GRIN2B: variants seen among roughly 807,000 people sequenced by gnomAD.
GRIN2B encodes glutamate ionotropic receptor NMDA type subunit 2B.
Under a neutral mutation model 114.5 loss-of-function variants are expected in GRIN2B, and 5 were observed. That is an observed-to-expected ratio of 0.04 (90% CI 0.02 to 0.09). The LOEUF (loss-of-function observed/expected upper bound fraction) is 0.09, where lower values mean the gene tolerates loss of function less well. GRIN2B is among the 10% of genes least tolerant of loss of function. The probability of loss-of-function intolerance (pLI) is 1.00; values close to 1 mark genes in which losing one functional copy is unlikely to be tolerated. For synonymous variants in GRIN2B, 787 were observed against 745.1 expected (o/e 1.06, Z -0.92); for missense variants, 1,108 against 1,943.5 (o/e 0.57, Z 8.08).
At position 13,538,905 on chromosome 12, in the gene GRIN2B, T is replaced by C. The variant is rs2136375553; in HGVS notation, c.*23878A>G. 1.3e-5 allele frequency: 2 copies of C among 152,140 alleles called. No individual in the cohort carries two copies. The highest frequency in any genetic ancestry group is 4.1e-4 in the South Asian group (2 of 4,826). The allele number at this position is 152,140 out of a possible 1,614,324, so 9.4% of individuals were successfully genotyped here. The stretch of plus-strand genomic sequence containing the variant: ...TTCAAGTCTTGTCTTCCCCCTTTTT[T>C]TTTTAAACAAATCTCAGATTTTCAA... On this transcript the variant is annotated 3_prime_UTR_variant, in exon 14 of 14. Coordinates refer to ENST00000609686, the MANE Select transcript of GRIN2B (RefSeq NM_000834.5).
At chr12:13,719,686 G>C (rs916703095) in intron 4 of GRIN2B, among the ~76,000 whole-genome samples, 1 of 152,014 alleles carries the variant, frequency 6.6e-6, no homozygotes, top group Admixed American at 6.6e-5. Flanking sequence ...GCTACTTTTT[G>C]CATCTTTACA....
intron 2 of GRIN2B, among the ~76,000 whole-genome samples, chr12:13,932,854 T>C (rs989463122): frequency 1.3e-5 from 2 of 152,182 alleles, no homozygotes; most frequent in African/African-American, 4.8e-5. Context: ...TCTTCCCAGA[T>C]AAGGTAAGTA....
chr12:13,770,549 T>C (rs898439124), intron 3 of GRIN2B, among the ~76,000 whole-genome samples: 2 of 152,200 alleles, frequency 1.3e-5, no homozygotes, highest in Non-Finnish European at 2.9e-5. Flanking sequence ...CAGAGTTACT[T>C]GTTAGCACAG....
intron 5 of GRIN2B, among the ~76,000 whole-genome samples, chr12:13,651,859 A>G (rs1459821810): frequency 1.3e-5 from 2 of 152,106 alleles, no homozygotes; most frequent in Admixed American, 1.3e-4. Flanking sequence ...TAACCTCTCC[A>G]GATCTTGGTT....
chr12:13,816,645 A>G (rs1864828261), intron 3 of GRIN2B, among the ~76,000 whole-genome samples: 1 of 152,134 alleles, frequency 6.6e-6, no homozygotes, highest in Non-Finnish European at 1.5e-5. Context: ...TTCTGAAACT[A>G]AAGCATCGCT....
intron 2 of GRIN2B, among the ~76,000 whole-genome samples, chr12:13,876,650 T>C (rs1213334538): frequency 1.3e-5 from 2 of 152,240 alleles, no homozygotes; most frequent in Admixed American, 1.3e-4. Context: ...ATCATATTAC[T>C]GACATCAGAA....
intron 2 of GRIN2B, among the ~76,000 whole-genome samples, chr12:13,908,973 C>T (rs764805141): frequency 2.0e-5 from 3 of 152,122 alleles, no homozygotes; most frequent in Non-Finnish European, 4.4e-5. Context: ...GTGGAGTGAC[C>T]CGAAGAAGGA....
intron 4 of GRIN2B, among the ~76,000 whole-genome samples, chr12:13,702,733 C>T (rs1191782644): frequency 6.6e-6 from 1 of 152,102 alleles, no homozygotes; most frequent in East Asian, 1.9e-4. Context: ...CTTTCCAGGG[C>T]TCTCATGCAA....
intron 5 of GRIN2B, among the ~76,000 whole-genome samples, chr12:13,621,426 A>G (rs1949512168): frequency 6.6e-6 from 1 of 152,088 alleles, no homozygotes; most frequent in African/African-American, 2.4e-5. Context: ...CTTAAGAAAT[A>G]ATGAAGAAAA....
chr12:13,662,605 G>A (rs1312092015), intron 5 of GRIN2B, among the ~76,000 whole-genome samples: 1 of 152,134 alleles, frequency 6.6e-6, no homozygotes, highest in African/African-American at 2.4e-5. Context: ...GCTCCTTGAG[G>A]AAGGGAACTT....
At chr12:13,940,053 T>C (rs1867211944) in intron 2 of GRIN2B, among the ~76,000 whole-genome samples, 2 of 152,310 alleles carry the variant, frequency 1.3e-5, no homozygotes, top group South Asian at 2.1e-4. Flanking sequence ...CTTATGAATA[T>C]GTGGAGAAAA....
In GRIN2B at chr12:13,885,507, G is replaced by A. The variant is rs374946340; in HGVS notation, c.-18-19281C>T. Among the ~76,000 whole-genome samples, 131 of 152,152 alleles carry A rather than the reference G, an allele frequency of 8.6e-4. 4 individuals carry two copies. The South Asian group carries it at 0.027, about 31-fold the overall frequency. ...AAGATTTCACTCTTTCATCTTTCAT[G>A]TCCACTTCATCCTCCATATAAATGT... On this transcript the variant is annotated intron_variant, in intron 2 of 13. Coordinates refer to ENST00000609686, the MANE Select transcript of GRIN2B (RefSeq NM_000834.5).
chr12:13,681,805 C>T (rs117493857), intron 4 of GRIN2B, among the ~76,000 whole-genome samples: 1 of 152,242 alleles, frequency 6.6e-6, no homozygotes, highest in Non-Finnish European at 1.5e-5. Flanking sequence ...CCTCACATTT[C>T]ATCTGATTAA....
intron 5 of GRIN2B, among the ~76,000 whole-genome samples, chr12:13,649,189 T>C (rs1949791798): frequency 6.6e-6 from 1 of 152,058 alleles, no homozygotes; most frequent in South Asian, 2.1e-4. Context: ...CATGAGGATT[T>C]GCATCTAGTA....
chr12:13,888,403 T>G (rs1286396011), intron 2 of GRIN2B, among the ~76,000 whole-genome samples: 3 of 147,680 alleles, frequency 2.0e-5, no homozygotes, highest in Non-Finnish European at 4.5e-5. Flanking sequence ...TTCTAAACAT[T>G]AAAAAGGTGC....
At chr12:13,870,405 G>C (rs1375722104) in intron 2 of GRIN2B, among the ~76,000 whole-genome samples, 2 of 152,116 alleles carry the variant, frequency 1.3e-5, no homozygotes, top group Non-Finnish European at 2.9e-5. Flanking sequence ...CTTGGGCTAA[G>C]TGATCCCGAG....
intron 3 of GRIN2B, among the ~76,000 whole-genome samples, chr12:13,843,046 TTTA>T (rs1865410007): frequency 2.0e-5 from 3 of 146,802 alleles, no homozygotes; most frequent in South Asian, 2.1e-4. Flanking sequence ...TATTTATTTA[TTTA>T]TTTATATTTT....
chr12:13,913,751 A>C (rs1460015048), intron 2 of GRIN2B, among the ~76,000 whole-genome samples: 1 of 152,172 alleles, frequency 6.6e-6, no homozygotes, highest in Non-Finnish European at 1.5e-5. Context: ...CCTTGCCCCA[A>C]GGCCATCTCC....
chr12:13,888,663 G>T (rs560792220), intron 2 of GRIN2B, among the ~76,000 whole-genome samples: 3 of 151,826 alleles, frequency 2.0e-5, no homozygotes, highest in Non-Finnish European at 4.4e-5. Flanking sequence ...GAACTCGGGA[G>T]GTGGAGGTTG....
Sources: allele counts gnomAD v4.1 joint callset (sites outside exome capture counted in the v4.1 genomes callset), GRCh38; gene constraint gnomAD v4.1.1; transcripts MANE v1.5; gene names NCBI Gene and HGNC (gene_info 2026-07-23, HGNC 2026-07-21).